The following PLD5 variants were observed in gnomAD, a reference collection of about 807,000 sequenced individuals.
The protein encoded by PLD5 is phospholipase D family member 5.
In PLD5, 36 loss-of-function variants were observed where a neutral mutation model predicts 61.1. The observed-to-expected ratio is 0.59, with a 90% CI of 0.45 to 0.78. The LOEUF is 0.78. Ranked by LOEUF, PLD5 falls within the 30% of genes least tolerant of loss-of-function variation. PLD5 has a pLI of 0.00. For synonymous variants in PLD5, 243 were observed against 242.8 expected (o/e 1.00, Z -0.01); for missense variants, 515 against 644.4 (o/e 0.80, Z 2.17).
intron 5 of PLD5, among the ~76,000 whole-genome samples, chr1:242,142,764 C>T (rs1176095810): frequency 6.6e-6 from 1 of 151,966 alleles, no homozygotes; most frequent in Non-Finnish European, 1.5e-5. Context: ...CTCTCTGTCT[C>T]TCTGTCTGAC....
chr1:242,183,760 G>T (rs947654633), intron 5 of PLD5, among the ~76,000 whole-genome samples: 3 of 146,846 alleles, frequency 2.0e-5, no homozygotes, highest in Non-Finnish European at 4.5e-5. Context: ...CAGGCGTGGT[G>T]GCGGGCCCCT....
At chr1:242,166,555 G>A (rs530940296) in intron 5 of PLD5, among the ~76,000 whole-genome samples, 11 of 152,260 alleles carry the variant, frequency 7.2e-5, no homozygotes, top group South Asian at 6.2e-4. Context: ...ATTCGACTCC[G>A]AAACCCGAAA....
chr1:242,308,031 A>T (rs1365850237), intron 2 of PLD5, among the ~76,000 whole-genome samples: 1 of 152,230 alleles, frequency 6.6e-6, no homozygotes, highest in Non-Finnish European at 1.5e-5. Flanking sequence ...GACACAAGAA[A>T]AATGAACATC....
rs1662012062 is a variant in PLD5 at position 242,377,171 on chromosome 1, GGA to G, written c.190-28931_190-28930del. ...ACTTGTGTACGATGAAGAGGTGTCT[GGA>G]GAGAGAGACGTGAGACGTGTAGCAG... On this transcript the variant is annotated intron_variant, in intron 1 of 9. Transcript: ENST00000536534. 5 of 1,611,564 alleles carry G rather than the reference GGA, an allele frequency of 3.1e-6. 1 individual carries two copies. The highest frequency in any genetic ancestry group is 4.2e-6 in the Non-Finnish European group (5 of 1,179,634).
At position 242,089,901 on chromosome 1, in the gene PLD5, TGTTGGAGAGGG is replaced by T; in HGVS notation, c.1553_1563del (p.Pro518GlnfsTer18). The T allele has an allele frequency of 6.2e-7, 1 of 1,614,232 alleles. No homozygotes were observed. The highest frequency in any genetic ancestry group is 8.5e-7 in the Non-Finnish European group (1 of 1,180,038). On this transcript the variant is annotated frameshift_variant, in exon 10 of 10. Coordinates refer to ENST00000536534, the MANE Select transcript of PLD5 (RefSeq NM_001372062.1). LOFTEE classifies it low-confidence loss of function (END_TRUNC). ...CCGCCTGTGTCGTCTGTGGCAGTTT[TGTTGGAGAGGG>T]GTTTGAGTTTGAACAGGCTTGAGCA...
At chr1:242,238,469 C>T (rs909665798) in intron 4 of PLD5, among the ~76,000 whole-genome samples, 3 of 152,140 alleles carry the variant, frequency 2.0e-5, no homozygotes, top group African/African-American at 7.2e-5. Context: ...AGCAGTCCTC[C>T]TTAGAGAGTG....
intron 8 of PLD5, among the ~76,000 whole-genome samples, chr1:242,107,172 G>T (rs770100282): frequency 1.2e-4 from 18 of 152,074 alleles, no homozygotes; most frequent in Non-Finnish European, 2.2e-4. Flanking sequence ...GGTGAATGGG[G>T]TCGTTCAAGG....
chr1:242,398,881 A>G (rs1019735226), intron 1 of PLD5, among the ~76,000 whole-genome samples: 3 of 152,216 alleles, frequency 2.0e-5, no homozygotes, highest in Non-Finnish European at 4.4e-5. Flanking sequence ...TGAAATTTCT[A>G]TACAGTCATA....
At chr1:242,522,704 C>T (rs1315782585) in intron 1 of PLD5, among the ~76,000 whole-genome samples, 1 of 152,212 alleles carries the variant, frequency 6.6e-6, no homozygotes, top group East Asian at 1.9e-4. Context: ...CCCCTTTAAA[C>T]TAATAACACC....
intron 1 of PLD5, among the ~76,000 whole-genome samples, chr1:242,469,507 T>C (rs1348401102): frequency 1.3e-5 from 2 of 152,210 alleles, no homozygotes; most frequent in Non-Finnish European, 2.9e-5. Flanking sequence ...TCTTTTCTCA[T>C]GTATTTGTAA....
At chr1:242,226,501 C>T (rs947808208) in intron 4 of PLD5, among the ~76,000 whole-genome samples, 2 of 152,184 alleles carry the variant, frequency 1.3e-5, no homozygotes, top group African/African-American at 2.4e-5. Flanking sequence ...TCTATTGTTG[C>T]TTTATAAAAT....
rs112861899 is a variant in PLD5, at chr1:242,181,657, G to GTTT, written c.735+38328_735+38330dup. Among the ~76,000 whole-genome samples, 259 of 149,600 alleles carry GTTT rather than the reference G, an allele frequency of 1.7e-3. 1 individual carries two copies. Among genetic ancestry groups the GTTT allele is most frequent in the Non-Finnish European group, 2.8e-3 (185 of 66,966 alleles). Reference sequence around the variant, plus strand: ...TGCTTGTAAAAATGTCTCTTCAATGGTTTTTTTTTGTTTTGTTTTGTTTTG... The same window carrying GTTT: ...TGCTTGTAAAAATGTCTCTTCAATGGTTTTTTTTTTTTGTTTTGTTTTGTTTTG... On this transcript the variant is annotated intron_variant, in intron 5 of 9. Coordinates refer to ENST00000536534, the MANE Select transcript of PLD5 (RefSeq NM_001372062.1).
At chr1:242,277,525 GA>G (rs1674478854) in intron 3 of PLD5, among the ~76,000 whole-genome samples, 1 of 141,224 alleles carries the variant, frequency 7.1e-6, no homozygotes, top group Admixed American at 7.4e-5. Flanking sequence ...GAAAAAGGGG[GA>G]AAAGATAAAT....
chr1:242,333,372 T>G (rs1352012767), intron 2 of PLD5, among the ~76,000 whole-genome samples: 1 of 152,138 alleles, frequency 6.6e-6, no homozygotes, highest in Non-Finnish European at 1.5e-5. Context: ...TTTTTTTCTT[T>G]TTTTGAGGAG....
chr1:242,191,014 A>C (rs1202205802), intron 5 of PLD5, among the ~76,000 whole-genome samples: 1 of 152,164 alleles, frequency 6.6e-6, no homozygotes, highest in Non-Finnish European at 1.5e-5. Flanking sequence ...GTTGGTATAG[A>C]ATGTACCAGC....
intron 7 of PLD5, among the ~76,000 whole-genome samples, chr1:242,111,586 C>T (rs1295323521): frequency 6.6e-6 from 1 of 151,816 alleles, no homozygotes; most frequent in East Asian, 1.9e-4. Context: ...AAGATTAATT[C>T]CATTAACATA....
intron 1 of PLD5, among the ~76,000 whole-genome samples, chr1:242,506,069 A>G (rs1301907963): frequency 6.6e-6 from 1 of 152,204 alleles, no homozygotes; most frequent in Non-Finnish European, 1.5e-5. Flanking sequence ...GTTCTGATAC[A>G]TGTTAGACCC....
intron 5 of PLD5, among the ~76,000 whole-genome samples, chr1:242,190,207 A>G (rs1375457599): frequency 2.4e-5 from 3 of 125,980 alleles, no homozygotes; most frequent in African/African-American, 9.2e-5. Flanking sequence ...GTGCAGTGGC[A>G]GGATCTCTGC....
intron 9 of PLD5, among the ~76,000 whole-genome samples, chr1:242,095,170 T>G (rs1298824217): frequency 1.3e-5 from 2 of 151,896 alleles, no homozygotes; most frequent in African/African-American, 4.8e-5. Context: ...CTCCTGACCT[T>G]GTGATCCACC....
Sources: gnomAD v4.1 joint callset for allele counts (sites outside exome capture counted in the v4.1 genomes callset) on GRCh38, gnomAD v4.1.1 for gene constraint, MANE v1.5 for transcripts, NCBI Gene and HGNC (gene_info 2026-07-23, HGNC 2026-07-21) for gene names.